The following CARS1 variants were observed in gnomAD, a reference collection of about 807,000 sequenced individuals.
CARS1 encodes the protein cysteinyl-tRNA synthetase 1, also known as cysteine--tRNA ligase, cytoplasmic.
In CARS1, 48 loss-of-function variants were observed where a neutral mutation model predicts 106.2. The observed-to-expected ratio is 0.45, with a 90% confidence interval of 0.36 to 0.57. CARS1 has a LOEUF of 0.57. CARS1 is among the 20% of genes least tolerant of loss of function. CARS1 has a pLI of 0.00. For missense variants in CARS1, 968 were observed against 1,057.2 expected (o/e 0.92, Z 1.17); for synonymous variants, 409 against 403.4 (o/e 1.01, Z -0.17).
At position 3,042,269 on chromosome 11, in the gene CARS1, G is replaced by T; in HGVS notation, c.275-13C>A. 6.2e-7 allele frequency: 1 copy of T among 1,607,300 alleles called. No homozygotes were observed. Among genetic ancestry groups the T allele is most frequent in the Non-Finnish European group, 8.5e-7 (1 of 1,178,106 alleles). On this transcript the variant is annotated splice_polypyrimidine_tract_variant and intron_variant, in intron 2 of 22. Transcript: ENST00000380525. ...CGCCGGCCTTTGCCTGGGAGGCAGA[G>T]AGAGCAGGATCAGGGTCCAGGGGCA... is the stretch of plus-strand genomic sequence containing the variant.
chr11:3,031,845 C>G (rs1212155385), intron 7 of CARS1, among the ~76,000 whole-genome samples: 1 of 152,178 alleles, frequency 6.6e-6, no homozygotes, highest in African/African-American at 2.4e-5. Flanking sequence ...TAGGGGACCC[C>G]ATACTTTTGT....
Position 3,006,948 on chromosome 11 carries a change from G to A in CARS1, c.2080C>T (p.Leu694=), listed in dbSNP as rs775005597. 2 of 1,613,974 alleles carry A rather than the reference G, an allele frequency of 1.2e-6. No individual in the cohort carries two copies. Among genetic ancestry groups the A allele is most frequent in the South Asian group, 2.2e-5 (2 of 91,086 alleles). The change falls in exon 19 of 23, where the codon CTG becomes TTG. Residue 694 remains leucine (L), a synonymous_variant. Coordinates refer to ENST00000380525, the MANE Select transcript of CARS1 (RefSeq NM_001014437.3). ...TCCCGCAGGGCATCGCTGAGCTGCAGAATCTCAGGGACTGTAGGAGAAGCA... is the reference window on the plus strand; with the variant it reads ...TCCCGCAGGGCATCGCTGAGCTGCAAAATCTCAGGGACTGTAGGAGAAGCA... ...IAREQKVPEI[L]QLSDALRDNI...
At chr11:3,054,884 G>T (rs1171294294) in intron 1 of CARS1, 1 of 702,596 alleles carries the variant, frequency 1.4e-6, no homozygotes, top group Non-Finnish European at 2.6e-6. Flanking sequence ...GACCTGATGA[G>T]CAGCCGACCA....
chr11:3,038,607 C>T lies in CARS1; in HGVS notation c.652-408G>A, dbSNP rs1854000397. Among the ~76,000 whole-genome samples, 1 of 152,180 alleles carries T rather than the reference C, an allele frequency of 6.6e-6. No homozygotes were observed. Among genetic ancestry groups the T allele is most frequent in the Non-Finnish European group, 1.5e-5 (1 of 68,048 alleles). On this transcript the variant is annotated intron_variant, in intron 6 of 22. Transcript: ENST00000380525. This position sits in a 1 kb window ranked among gnomAD's most constrained non-coding sequence, Gnocchi z 4.0. ...AAGATTGCTCAGCTCTAATTTTATT[C>T]CTGTTTTTAATTCCAGAGATAAAAT...
intron 14 of CARS1, 110 bp from the exon 15 acceptor site, chr11:3,018,064 C>T: frequency 2.9e-6 from 2 of 701,698 alleles, no homozygotes; most frequent in Non-Finnish European, 2.5e-6. Flanking sequence ...ATCTGAAAGA[C>T]CAGAATTACA....
At chr11:3,001,534 A>G (rs1322724465) in intron 22 of CARS1, among the ~76,000 whole-genome samples, 1 of 152,208 alleles carries the variant, frequency 6.6e-6, no homozygotes, top group East Asian at 1.9e-4. Flanking sequence ...GTTCTGACAC[A>G]GCTGGCCCAA....
chr11:3,032,774 C>T (rs987553780), intron 7 of CARS1, among the ~76,000 whole-genome samples: 4 of 151,474 alleles, frequency 2.6e-5, no homozygotes, highest in Admixed American at 2.0e-4. Context: ...ATAGCTGGAG[C>T]ACAGAGGATG....
chr11:3,043,370 C>G lies in CARS1; in HGVS notation c.275-1114G>C, dbSNP rs540573888. Among the ~76,000 whole-genome samples the G allele has an allele frequency of 6.6e-6, 1 of 151,972 alleles. No individual in the cohort carries two copies. Among genetic ancestry groups the G allele is most frequent in the Non-Finnish European group, 1.5e-5 (1 of 67,970 alleles). On this transcript the variant is annotated intron_variant, in intron 2 of 22. Coordinates refer to ENST00000380525, the MANE Select transcript of CARS1 (RefSeq NM_001014437.3). This position sits in a 1 kb window ranked among gnomAD's most constrained non-coding sequence, Gnocchi z 4.0. The stretch of plus-strand genomic sequence containing the variant: ...TGGTGACTTTCCCGTTGCCCTCAGC[C>G]GGCTCCTGCCTGCCCTGCCCCCTCA...
chr11:3,026,987 G>A (rs199609048), intron 9 of CARS1, 190 bp from the exon 10 acceptor site: 19 of 612,130 alleles, frequency 3.1e-5, no homozygotes, highest in Middle Eastern at 8.7e-4. Context: ...ATCCCGCTGC[G>A]GAGGCAGCCT....
rs1403906537 is a variant in CARS1 at position 3,021,901 on chromosome 11, C to T, written c.1154-1569G>A. Among the ~76,000 whole-genome samples, 1 of 152,180 alleles carries T rather than the reference C, an allele frequency of 6.6e-6. No individual in the cohort carries two copies. Among genetic ancestry groups the T allele is most frequent in the Non-Finnish European group, 1.5e-5 (1 of 68,030 alleles). The stretch of plus-strand genomic sequence containing the variant: ...CTCTTTGATAGAAAATATACATTCA[C>T]GTTTTCAACTTTTCATTATTATGAA... On this transcript the variant is annotated intron_variant, in intron 10 of 22. Coordinates refer to ENST00000380525, the MANE Select transcript of CARS1 (RefSeq NM_001014437.3). This position sits in a 1 kb window ranked among gnomAD's most constrained non-coding sequence, Gnocchi z 5.3.
Position 3,037,246 on chromosome 11 carries a change from A to G in CARS1, c.801+804T>C, listed in dbSNP as rs778538249. ...TTCCGTGAAGTTTGGAAACAGGCGC[A>G]ACGAAGCGATCTGCTGAGTCAGGAC... is the stretch of plus-strand genomic sequence containing the variant. On this transcript the variant is annotated intron_variant, in intron 7 of 22. Coordinates refer to ENST00000380525, the MANE Select transcript of CARS1 (RefSeq NM_001014437.3). The surrounding 1 kb of genome is among the most constrained non-coding windows in gnomAD (Gnocchi z 5.9). Among the ~76,000 whole-genome samples the G allele has an allele frequency of 6.6e-6, 1 of 152,226 alleles. No individual in the cohort carries two copies. Among genetic ancestry groups the G allele is most frequent in the Non-Finnish European group, 1.5e-5 (1 of 68,038 alleles).
At chr11:3,011,035 G>A (rs1172516648) in intron 18 of CARS1, among the ~76,000 whole-genome samples, 1 of 152,228 alleles carries the variant, frequency 6.6e-6, no homozygotes, top group Non-Finnish European at 1.5e-5. Flanking sequence ...AGTGTGACCC[G>A]GCCAGGGCTC....
chr11:3,038,078 G>A lies in CARS1; in HGVS notation c.773C>T (p.Thr258Met), dbSNP rs142400500. The A allele has an allele frequency of 5.4e-5, 87 of 1,613,674 alleles. No individual in the cohort carries two copies. Among genetic ancestry groups the A allele is most frequent in the African/African-American group, 8.0e-5 (6 of 74,914 alleles). ...PLEKAVQSRL[T>M]GEEVNSCVEV... ...CACACAGCTGTTGACTTCCTCTCCC[G>A]TGAGTCTGGACTGCACAGCTTTCTC... Residue 258 changes from threonine (T) to methionine (M), a missense_variant, in exon 7 of 23, where the codon ACG becomes ATG. Physicochemically the swap from Thr to Met is moderately conservative, Grantham distance 81. Coordinates refer to ENST00000380525, the MANE Select transcript of CARS1 (RefSeq NM_001014437.3). The surrounding 1 kb of genome is among the most constrained non-coding windows in gnomAD (Gnocchi z 4.0).
Position 3,047,764 on chromosome 11 carries a change from C to G in CARS1, c.263G>C (p.Arg88Thr). The stretch of plus-strand genomic sequence containing the variant: ...ACTCTGTTACTCACTTGCTTGGAGC[C>G]TGCAGGGCTGGCCTTTGCCACAGGG... Reference protein sequence around the residue: ...GSPCGKGQPCRLQASKGRRVQ... With the variant: ...GSPCGKGQPCTLQASKGRRVQ... Residue 88 changes from arginine (R) to threonine (T), a missense_variant, in exon 2 of 23, where the codon AGG becomes ACG. Coordinates refer to ENST00000380525, the MANE Select transcript of CARS1 (RefSeq NM_001014437.3). The G allele has an allele frequency of 6.2e-7, 1 of 1,612,424 alleles. No homozygotes were observed. The highest frequency in any genetic ancestry group is 2.2e-5 in the East Asian group (1 of 44,814).
At chr11:3,027,767 G>C in intron 9 of CARS1, 1 of 452,688 alleles carries the variant, frequency 2.2e-6, no homozygotes, top group South Asian at 1.6e-5. Flanking sequence ...CCTTGGTCTA[G>C]TGGTAACGCC....
intron 7 of CARS1, among the ~76,000 whole-genome samples, chr11:3,036,184 T>C (rs771500162): frequency 4.6e-5 from 7 of 152,228 alleles, no homozygotes; most frequent in Non-Finnish European, 7.3e-5. Context: ...CCATGGATGA[T>C]TGAAGACTCC....
intron 18 of CARS1, among the ~76,000 whole-genome samples, chr11:3,009,778 T>C (rs928505794): frequency 6.6e-6 from 1 of 152,166 alleles, no homozygotes; most frequent in African/African-American, 2.4e-5. Flanking sequence ...CTGTGGAGCA[T>C]CTGGCCTGGG....
chr11:3,055,772 A>C (rs1298876908), intron 1 of CARS1, among the ~76,000 whole-genome samples: 1 of 152,258 alleles, frequency 6.6e-6, no homozygotes, highest in Non-Finnish European at 1.5e-5. Flanking sequence ...GTTTGAAAAC[A>C]AACAGGCCCT....
chr11:3,024,016 C>T (rs1187321901), intron 10 of CARS1, among the ~76,000 whole-genome samples: 3 of 152,138 alleles, frequency 2.0e-5, no homozygotes, highest in Admixed American at 6.5e-5. Context: ...CCTCAGCCTC[C>T]CGAGTAGCTG....
Sources: allele counts gnomAD v4.1 joint callset (sites outside exome capture counted in the v4.1 genomes callset), GRCh38; gene constraint gnomAD v4.1.1; non-coding constraint Gnocchi (gnomAD v3.1); transcripts MANE v1.5; gene names NCBI Gene and HGNC (gene_info 2026-07-23, HGNC 2026-07-21).